Variants in RGS7 observed in about 807,000 individuals in gnomAD.
RGS7 encodes regulator of G-protein signaling 7.
A neutral mutation model predicts 81.1 loss-of-function variants in RGS7; 27 were observed. That is an observed-to-expected ratio of 0.33 (90% CI 0.25 to 0.46). The LOEUF is 0.46. Ranked by LOEUF, RGS7 falls within the 20% of genes least tolerant of loss-of-function variation. The pLI, the probability that RGS7 is intolerant of heterozygous loss-of-function variation, is 1.00. For synonymous variants in RGS7, 208 were observed against 207.7 expected (o/e 1.00, Z -0.01); for missense variants, 396 against 607.4 (o/e 0.65, Z 3.66).
rs151204715 is a variant in RGS7 at position 240,957,643 on chromosome 1, T to C, written c.227-20937A>G. Among the ~76,000 whole-genome samples the C allele has an allele frequency of 8.0e-4, 122 of 152,372 alleles. 2 individuals are homozygous for C. In the East Asian group the frequency reaches 0.023, roughly 28 times the overall value. On this transcript the variant is annotated intron_variant, in intron 4 of 18. Transcript: ENST00000440928. Reference sequence around the variant, plus strand: ...AAGTATTGACTTCAGTTAATATTAATGTATGTTAACTTCTTTAATATTAAC... The same window carrying C: ...AAGTATTGACTTCAGTTAATATTAACGTATGTTAACTTCTTTAATATTAAC...
chr1:241,196,910 T>C (rs2073114314), intron 2 of RGS7, among the ~76,000 whole-genome samples: 1 of 147,160 alleles, frequency 6.8e-6, no homozygotes, highest in Non-Finnish European at 1.5e-5. Flanking sequence ...ACTAATACAA[T>C]GGTAAAAGAA....
At chr1:241,245,347 A>T (rs1362583866) in intron 2 of RGS7, among the ~76,000 whole-genome samples, 2 of 149,200 alleles carry the variant, frequency 1.3e-5, no homozygotes, top group Non-Finnish European at 3.0e-5. Context: ...ACCTCCCCAC[A>T]CCCCCCTCCT....
intron 2 of RGS7, among the ~76,000 whole-genome samples, chr1:241,248,351 TAC>T (rs1396920782): frequency 2.0e-5 from 3 of 148,138 alleles, no homozygotes; most frequent in African/African-American, 7.4e-5. Flanking sequence ...TAGATATATA[TAC>T]ATATATATAT....
chr1:240,897,121 C>A (rs535791376), intron 6 of RGS7, among the ~76,000 whole-genome samples: 83 of 152,256 alleles, frequency 5.5e-4, no homozygotes, highest in Admixed American at 1.5e-3. Context: ...GATTTTTGTA[C>A]ATTGATTTTA....
rs377666816 is a variant in RGS7, at chr1:240,873,622, TC to T, written c.386-3504del. On this transcript the variant is annotated intron_variant, in intron 6 of 18. Coordinates refer to ENST00000440928, the MANE Select transcript of RGS7 (RefSeq NM_001364886.1). ...GAAAGTGAGTGCTGACGTCAGGTCT[TC>T]CCCTTTAATTTATAAAGCTCTAGAG... Among the ~76,000 whole-genome samples, 1,299 of 152,274 alleles carry T rather than the reference TC, an allele frequency of 8.5e-3. 11 individuals carry two copies. The highest frequency in any genetic ancestry group is 0.013 in the Admixed American group (196 of 15,292).
rs565506270 is a variant in RGS7, at chr1:241,313,284, G to A, written c.78+42415C>T. On this transcript the variant is annotated intron_variant, in intron 2 of 18. Coordinates refer to ENST00000440928, the MANE Select transcript of RGS7 (RefSeq NM_001364886.1). Reference sequence around the variant, plus strand: ...TTCCTTGTAGATGAAACAGCCTTCTGTTGGAAAAAGATGCCATTTAGGACT... The same window carrying A: ...TTCCTTGTAGATGAAACAGCCTTCTATTGGAAAAAGATGCCATTTAGGACT... 2.0e-5 allele frequency among the ~76,000 whole-genome samples: 3 copies of A among 152,340 alleles called. No individual in the cohort carries two copies. The South Asian group carries it at 6.2e-4, about 32-fold the overall frequency.
At chr1:241,310,446 A>AGT (rs895556318) in intron 2 of RGS7, among the ~76,000 whole-genome samples, 5 of 111,934 alleles carry the variant, frequency 4.5e-5, no homozygotes, top group South Asian at 3.8e-4. Flanking sequence ...TGTGTGTGTG[A>AGT]GTGTGTGTGT....
At chr1:241,052,032 C>T (rs1340322736) in intron 3 of RGS7, among the ~76,000 whole-genome samples, 2 of 152,038 alleles carry the variant, frequency 1.3e-5, no homozygotes, top group Non-Finnish European at 2.9e-5. Context: ...GCTAAGCTTC[C>T]CCAGAGATGT....
At chr1:240,954,648 C>T (rs1337271769) in intron 4 of RGS7, among the ~76,000 whole-genome samples, 3 of 152,030 alleles carry the variant, frequency 2.0e-5, no homozygotes, top group Non-Finnish European at 4.4e-5. Context: ...AACATCATTA[C>T]TAATGGTAGA....
chr1:240,776,406 C>G (rs1158019284), intron 18 of RGS7, among the ~76,000 whole-genome samples, 193 bp from the exon 19 acceptor site: 1 of 137,158 alleles, frequency 7.3e-6, no homozygotes, highest in African/African-American at 2.9e-5. Flanking sequence ...ACACGTCAAA[C>G]AAAACTATCC....
intron 16 of RGS7, among the ~76,000 whole-genome samples, chr1:240,801,801 C>T (rs571775281): frequency 8.5e-5 from 13 of 152,290 alleles, no homozygotes; most frequent in Non-Finnish European, 1.8e-4. Context: ...TTTATACTGA[C>T]ATTTGCAGAG....
At chr1:241,252,367 T>C (rs2076875238) in intron 2 of RGS7, among the ~76,000 whole-genome samples, 1 of 152,144 alleles carries the variant, frequency 6.6e-6, no homozygotes, top group Non-Finnish European at 1.5e-5. Context: ...TTGATAACTG[T>C]AAAAGCAACT....
At chr1:240,879,527 A>C (rs1666036419) in intron 6 of RGS7, among the ~76,000 whole-genome samples, 1 of 152,170 alleles carries the variant, frequency 6.6e-6, no homozygotes, top group East Asian at 1.9e-4. Context: ...TCAAGTCTTC[A>C]TCACTCTCCC....
At chr1:240,954,245 G>C (rs1208174262) in intron 4 of RGS7, among the ~76,000 whole-genome samples, 1 of 151,980 alleles carries the variant, frequency 6.6e-6, no homozygotes, top group African/African-American at 2.4e-5. Flanking sequence ...TCCCTTCCTA[G>C]CTAATTGTAA....
chr1:240,956,999 GATA>G (rs1193166428), intron 4 of RGS7, among the ~76,000 whole-genome samples: 1 of 152,214 alleles, frequency 6.6e-6, no homozygotes, highest in Non-Finnish European at 1.5e-5. Context: ...TGTGATGGTT[GATA>G]ATAAGTGTCA....
At chr1:240,887,226 G>T (rs10802912) in intron 6 of RGS7, among the ~76,000 whole-genome samples, 3,047 of 76,428 alleles carry the variant, frequency 0.04, 112 homozygotes, top group African/African-American at 0.11. Flanking sequence ...GAGTATATAG[G>T]TTTTTTTTTT....
chr1:240,801,173 A>G (rs1023645430), intron 17 of RGS7, among the ~76,000 whole-genome samples: 12 of 152,314 alleles, frequency 7.9e-5, no homozygotes, highest in African/African-American at 2.6e-4. Context: ...AATAAAATAT[A>G]AAGAATAATT....
chr1:240,825,169 T>C (rs1467274741), intron 10 of RGS7, among the ~76,000 whole-genome samples: 2 of 152,152 alleles, frequency 1.3e-5, no homozygotes, highest in Non-Finnish European at 2.9e-5. Context: ...TATGAGACCA[T>C]GAATTAGGGG....
chr1:240,825,971 A>G (rs1572276814), intron 10 of RGS7, among the ~76,000 whole-genome samples: 1 of 152,202 alleles, frequency 6.6e-6, no homozygotes, highest in African/African-American at 2.4e-5. Flanking sequence ...CTATTCAGAA[A>G]GTGGAGAGAG....
Sources: allele counts gnomAD v4.1 joint callset (sites outside exome capture counted in the v4.1 genomes callset), GRCh38; gene constraint gnomAD v4.1.1; transcripts MANE v1.5; gene names NCBI Gene and HGNC (gene_info 2026-07-23, HGNC 2026-07-21).